CLCN5: variants seen among roughly 807,000 people sequenced by gnomAD.
CLCN5 encodes H(+)/Cl(-) exchange transporter 5.
CLCN5 carries 17 observed loss-of-function variants against 54.0 expected under a neutral mutation model. The observed-to-expected ratio is 0.31, with a 90% CI of 0.22 to 0.47. The LOEUF is 0.47. CLCN5 is among the 20% of genes least tolerant of loss of function. The pLI, the probability that CLCN5 is intolerant of heterozygous loss-of-function variation, is 1.00. For missense variants in CLCN5, 448 were observed against 646.7 expected (o/e 0.69, Z 3.33); for synonymous variants, 222 against 233.0 (o/e 0.95, Z 0.43).
intron 4 of CLCN5, among the ~76,000 whole-genome samples, chrX:50,052,962 G>T (rs1557188551): frequency 9.0e-6 from 1 of 111,434 alleles, no homozygotes; most frequent in African/African-American, 3.3e-5. Context: ...AATAGAAGTG[G>T]GTTGTTTAAG....
At chrX:50,042,762 G>C (rs1199527798) in intron 4 of CLCN5, among the ~76,000 whole-genome samples, 1 of 111,453 alleles carries the variant, frequency 9.0e-6, no homozygotes, top group Non-Finnish European at 1.9e-5. Flanking sequence ...GAATCACATA[G>C]TATGTCACTC....
intron 3 of CLCN5, among the ~76,000 whole-genome samples, chrX:49,969,044 C>G (rs1557175873): frequency 9.0e-6 from 1 of 110,776 alleles, no homozygotes. Flanking sequence ...TCTTCAGGTG[C>G]AAGCTGAGGC....
chrX:50,057,360 C>G (rs971283333), intron 4 of CLCN5, among the ~76,000 whole-genome samples: 1 of 100,048 alleles, frequency 1.0e-5, no homozygotes, highest in Admixed American at 1.0e-4. Flanking sequence ...TAAGAGTACA[C>G]TAAAGCATAA....
chrX:49,960,919 A>G (rs1927566204), intron 3 of CLCN5, among the ~76,000 whole-genome samples: 1 of 111,221 alleles, frequency 9.0e-6, no homozygotes, highest in South Asian at 3.8e-4. Context: ...ATACTTCCTT[A>G]TCTTTCAGTC....
At chrX:50,083,802 G>A (rs1377469535) in intron 9 of CLCN5, among the ~76,000 whole-genome samples, 3 of 112,142 alleles carry the variant, frequency 2.7e-5, no homozygotes, top group Non-Finnish European at 5.6e-5. Context: ...TTCTGTGTTT[G>A]AAATTTTTTT....
At chrX:49,965,037 G>A (rs1228506189) in intron 3 of CLCN5, among the ~76,000 whole-genome samples, 1 of 111,268 alleles carries the variant, frequency 9.0e-6, no homozygotes, top group Non-Finnish European at 1.9e-5. Context: ...GTACTCTCTA[G>A]GGCACCCAGC....
intron 3 of CLCN5, chrX:50,003,176 A>C (rs1557180809): frequency 2.6e-6 from 1 of 385,499 alleles, no homozygotes; most frequent in East Asian, 7.5e-5. Context: ...CCATGCCTTG[A>C]GTGTAGGACC....
chrX:49,970,763 T>G (rs1557176100), intron 3 of CLCN5, among the ~76,000 whole-genome samples: 1 of 111,901 alleles, frequency 8.9e-6, no homozygotes, highest in African/African-American at 3.3e-5. Flanking sequence ...TTCATTTCTC[T>G]TGGCTATATA....
At chrX:50,025,850 T>C (rs1293711502) in intron 3 of CLCN5, among the ~76,000 whole-genome samples, 1 of 111,829 alleles carries the variant, frequency 8.9e-6, no homozygotes, top group Non-Finnish European at 1.9e-5. Flanking sequence ...TTGTTGACTT[T>C]CTCTGTTGAT....
intron 3 of CLCN5, among the ~76,000 whole-genome samples, chrX:49,926,909 G>A (rs978657624): frequency 9.0e-5 from 10 of 111,218 alleles, no homozygotes; most frequent in Non-Finnish European, 1.9e-4. Context: ...AGTAAGGTTA[G>A]AATGGGATTC....
chrX:50,041,615 A>G (rs781962372), intron 3 of CLCN5, among the ~76,000 whole-genome samples: 12 of 111,177 alleles, frequency 1.1e-4, no homozygotes, highest in South Asian at 7.6e-4. Flanking sequence ...ACATTTCTCA[A>G]TACTGATGTC....
chrX:50,014,578 G>T, intron 3 of CLCN5: 1 of 342,825 alleles, frequency 2.9e-6, no homozygotes, highest in East Asian at 9.4e-5. Flanking sequence ...GAGCACGGCA[G>T]GTGCCCAAGC....
At chrX:49,986,088 T>G (rs1557178250) in intron 3 of CLCN5, among the ~76,000 whole-genome samples, 1 of 111,783 alleles carries the variant, frequency 8.9e-6, no homozygotes. Flanking sequence ...TGTAATAATG[T>G]ATTGGTTATT....
intron 4 of CLCN5, among the ~76,000 whole-genome samples, chrX:50,065,280 G>T (rs868923923): frequency 2.1e-4 from 18 of 87,320 alleles, no homozygotes; most frequent in Admixed American, 4.1e-4. Context: ...AGGGCTAATA[G>T]CCAGAATCTA....
rs782300457 is a variant in CLCN5, at chrX:50,005,300, G to A, written c.17-37016G>A. ...GGGAGCAGAACTACTTCCATTAAGAGGCACAAAATAACTGATGATCATCTT... is the reference window on the plus strand; with the variant it reads ...GGGAGCAGAACTACTTCCATTAAGAAGCACAAAATAACTGATGATCATCTT... On this transcript the variant is annotated intron_variant, in intron 3 of 14. Coordinates refer to ENST00000376091, the MANE Select transcript of CLCN5 (RefSeq NM_001127898.4). 2.7e-5 allele frequency among the ~76,000 whole-genome samples: 3 copies of A among 111,742 alleles called. No individual in the cohort carries two copies. The South Asian group carries it at 1.1e-3, about 42-fold the overall frequency.
At chrX:50,051,057 G>T (rs1787815188) in intron 4 of CLCN5, among the ~76,000 whole-genome samples, 1 of 110,828 alleles carries the variant, frequency 9.0e-6, no homozygotes, top group Non-Finnish European at 1.9e-5. Flanking sequence ...TTCTTTCCTG[G>T]ATCATGCTAT....
At chrX:49,999,275 G>A (rs1375435478) in intron 3 of CLCN5, among the ~76,000 whole-genome samples, 2 of 111,349 alleles carry the variant, frequency 1.8e-5, no homozygotes, top group South Asian at 7.6e-4. Context: ...ATTGGGGTGT[G>A]AGCTGTCTCA....
In CLCN5 at chrX:50,090,108, C is replaced by A. The variant is rs372905805; in HGVS notation, c.1745-8C>A. The stretch of plus-strand genomic sequence containing the variant: ...CTACCTGAGTAGACTGTGTCTATTT[C>A]TTTGCAGGTGGGGTGACTCGGATGA... On this transcript the variant is annotated splice_polypyrimidine_tract_variant and splice_region_variant and intron_variant, in intron 12 of 14. Coordinates refer to ENST00000376091, the MANE Select transcript of CLCN5 (RefSeq NM_001127898.4). The A allele has an allele frequency of 4.1e-6, 5 of 1,207,902 alleles. No homozygotes were observed. In the African/African-American group the frequency reaches 8.8e-5, roughly 21 times the overall value.
At chrX:50,061,936 A>C (rs1434838718) in intron 4 of CLCN5, among the ~76,000 whole-genome samples, 4 of 68,328 alleles carry the variant, frequency 5.9e-5, no homozygotes, top group East Asian at 9.3e-4. Context: ...GAAATAAAAT[A>C]CTTTACAGAC....
Sources: allele counts gnomAD v4.1 joint callset (sites outside exome capture counted in the v4.1 genomes callset), GRCh38; gene constraint gnomAD v4.1.1; transcripts MANE v1.5; gene names NCBI Gene and HGNC (gene_info 2026-07-23, HGNC 2026-07-21).